The following MEMO1 variants were observed in gnomAD, a reference collection of about 807,000 sequenced individuals.
MEMO1 encodes the protein mediator of cell motility 1, also known as protein MEMO1.
In MEMO1, 6 loss-of-function variants were observed where a neutral mutation model predicts 45.2. That is an observed-to-expected ratio of 0.13 (90% CI 0.07 to 0.26). The LOEUF (loss-of-function observed/expected upper bound fraction) is 0.26. Ranked by LOEUF, MEMO1 falls within the 10% of genes least tolerant of loss-of-function variation. The probability of loss-of-function intolerance (pLI) is 1.00; values close to 1 mark genes in which losing one functional copy is unlikely to be tolerated. For synonymous variants in MEMO1, 78 were observed against 124.3 expected (o/e 0.63, Z 2.48); for missense variants, 184 against 370.5 (o/e 0.50, Z 4.13).
intron 4 of MEMO1, among the ~76,000 whole-genome samples, chr2:31,927,302 G>A (rs1479084655): frequency 6.6e-6 from 1 of 152,160 alleles, no homozygotes; most frequent in African/African-American, 2.4e-5. Flanking sequence ...CCTGGTGACA[G>A]AGCAAGACTT....
intron 2 of MEMO1, among the ~76,000 whole-genome samples, chr2:31,972,062 C>G (rs1051321879): frequency 6.6e-6 from 1 of 152,190 alleles, no homozygotes; most frequent in African/African-American, 2.4e-5. Context: ...CCTTATACTA[C>G]AAGATTCAGA....
intron 4 of MEMO1, among the ~76,000 whole-genome samples, chr2:31,926,373 A>AG (rs1193746929): frequency 3.0e-5 from 2 of 65,596 alleles, no homozygotes; most frequent in Non-Finnish European, 6.5e-5. Flanking sequence ...CTGTCTCAAA[A>AG]GGGAAAAAAA....
intron 2 of MEMO1, among the ~76,000 whole-genome samples, chr2:31,993,978 T>TTTTTTTTTG (rs1672261704): frequency 2.2e-5 from 3 of 133,768 alleles, no homozygotes; most frequent in African/African-American, 8.2e-5. Context: ...TTTTTTTTTT[T>TTTTTTTTTG]GAGACAGAGT....
intron 2 of MEMO1, among the ~76,000 whole-genome samples, chr2:31,989,846 G>T (rs1224791854): frequency 6.6e-6 from 1 of 152,174 alleles, no homozygotes; most frequent in African/African-American, 2.4e-5. Context: ...GCCGGGTGTG[G>T]TGGCTCACAC....
intron 2 of MEMO1, among the ~76,000 whole-genome samples, chr2:31,995,838 G>C (rs571333284): frequency 6.6e-6 from 1 of 152,124 alleles, no homozygotes; most frequent in East Asian, 1.9e-4. Context: ...CATGATAACA[G>C]CAGGAAAATG....
chr2:31,921,879 A>G (rs1168154020), intron 4 of MEMO1, among the ~76,000 whole-genome samples: 1 of 152,200 alleles, frequency 6.6e-6, no homozygotes, highest in Non-Finnish European at 1.5e-5. Context: ...TAGTCTAAAG[A>G]AAAGAACTGA....
At chr2:31,933,336 AAAAAAAAAAAAAATTTATAT>A (rs1664443504) in intron 3 of MEMO1, among the ~76,000 whole-genome samples, 1 of 57,456 alleles carries the variant, frequency 1.7e-5, no homozygotes, top group African/African-American at 7.9e-5. Flanking sequence ...AAAAAAAAAA[AAAAAAAAAAAAAATTTATAT>A]ATATATATAT....
chr2:31,924,209 C>G (rs1248245503), intron 4 of MEMO1, among the ~76,000 whole-genome samples: 1 of 151,998 alleles, frequency 6.6e-6, no homozygotes, highest in Non-Finnish European at 1.5e-5. Flanking sequence ...CAAAATGGGT[C>G]TCCTTGTTAG....
chr2:31,888,356 T>G (rs1446888686), intron 7 of MEMO1, among the ~76,000 whole-genome samples: 1 of 152,100 alleles, frequency 6.6e-6, no homozygotes, highest in East Asian at 1.9e-4. Context: ...ATTTAGAAAC[T>G]TCTTAGAAGT....
intron 2 of MEMO1, among the ~76,000 whole-genome samples, chr2:31,961,495 G>A (rs995622537): frequency 6.7e-6 from 1 of 150,154 alleles, no homozygotes; most frequent in African/African-American, 2.5e-5. Flanking sequence ...AGCCATGGTG[G>A]CTCACGCCTA....
At chr2:31,905,506 CA>C (rs925643119) in intron 6 of MEMO1, among the ~76,000 whole-genome samples, 1 of 152,080 alleles carries the variant, frequency 6.6e-6, no homozygotes, top group African/African-American at 2.4e-5. Flanking sequence ...ACTAGAGAGC[CA>C]TTCTAAACTC....
At chr2:31,903,711 G>A (rs1392368539) in intron 6 of MEMO1, among the ~76,000 whole-genome samples, 1 of 152,116 alleles carries the variant, frequency 6.6e-6, no homozygotes, top group African/African-American at 2.4e-5. Flanking sequence ...AGTTACATTT[G>A]CTCTAAAAAC....
intron 2 of MEMO1, among the ~76,000 whole-genome samples, chr2:31,970,352 A>G (rs972217848): frequency 6.6e-6 from 1 of 152,176 alleles, no homozygotes; most frequent in Non-Finnish European, 1.5e-5. Context: ...CGTTTGCTAC[A>G]GTAATCTTAT....
chr2:31,996,843 G>A (rs1456490328), intron 2 of MEMO1, among the ~76,000 whole-genome samples: 1 of 151,984 alleles, frequency 6.6e-6, no homozygotes, highest in Non-Finnish European at 1.5e-5. Flanking sequence ...CAATCATCCT[G>A]CCTCAGACTC....
chr2:31,880,096 T>TC (rs1675128086), intron 8 of MEMO1, among the ~76,000 whole-genome samples: 1 of 152,232 alleles, frequency 6.6e-6, no homozygotes, highest in South Asian at 2.1e-4. Flanking sequence ...CTCCATTAAG[T>TC]CACGGACTAT....
chr2:31,892,529 T>C (rs1677129252), intron 6 of MEMO1, among the ~76,000 whole-genome samples: 1 of 152,320 alleles, frequency 6.6e-6, no homozygotes, highest in South Asian at 2.1e-4. Context: ...TAAAAGACCA[T>C]TAAACTCTTC....
intron 6 of MEMO1, among the ~76,000 whole-genome samples, chr2:31,910,239 G>C (rs1021064829): frequency 3.3e-5 from 5 of 152,100 alleles, no homozygotes; most frequent in African/African-American, 1.2e-4. Flanking sequence ...TTAGACATTA[G>C]ATCTGCCTTG....
At chr2:31,892,486 G>C (rs188291884) in intron 6 of MEMO1, among the ~76,000 whole-genome samples, 10 of 152,106 alleles carry the variant, frequency 6.6e-5, no homozygotes, top group African/African-American at 2.4e-4. Flanking sequence ...ACTTATCAAG[G>C]CTACAGTCAT....
intron 2 of MEMO1, among the ~76,000 whole-genome samples, chr2:32,002,186 T>TACACACACAC (rs66840564): frequency 3.6e-4 from 42 of 116,030 alleles, no homozygotes; most frequent in African/African-American, 1.4e-3. Flanking sequence ...TATATATATA[T>TACACACACAC]ACACACACAC....
Sources: allele counts gnomAD v4.1 joint callset (sites outside exome capture counted in the v4.1 genomes callset), GRCh38; gene constraint gnomAD v4.1.1; transcripts MANE v1.5; gene names NCBI Gene and HGNC (gene_info 2026-07-23, HGNC 2026-07-21).